The following OCM variants were observed in gnomAD, a reference collection of about 807,000 sequenced individuals.
The protein encoded by OCM is oncomodulin-1.
A neutral mutation model predicts 14.1 loss-of-function variants in OCM; 18 were observed. The ratio of observed to expected loss-of-function variants is 1.28; its 90% CI spans 0.88 to 1.89. The LOEUF is 1.89. Among genes scored for constraint, OCM ranks in the 40% most tolerant of loss-of-function variants. The probability of loss-of-function intolerance (pLI) is 0.00; values close to 1 mark genes in which losing one functional copy is unlikely to be tolerated. For missense variants in OCM, 140 were observed against 137.6 expected (o/e 1.02, Z -0.09); for synonymous variants, 48 against 51.0 (o/e 0.94, Z 0.25).
chr7:5,882,641 A>T lies in OCM; in HGVS notation c.194+16A>T. 6.2e-7 allele frequency: 1 copy of T among 1,613,782 alleles called. No homozygotes were observed. Among genetic ancestry groups the T allele is most frequent in the Non-Finnish European group, 8.5e-7 (1 of 1,179,882 alleles). On this transcript the variant is annotated intron_variant, in intron 2 of 3. Transcript: ENST00000242104. ...AAGAGCTTAAGTAAGCTTTGTCCTG[A>T]GTCTGTCTGGTACCCGGCACTGCTG...
At chr7:5,862,491 A>T in the OCM span, among the ~76,000 whole-genome samples, 1 of 152,194 alleles carries the variant, frequency 6.6e-6, no homozygotes, top group Non-Finnish European at 1.5e-5. Context: ...GACAATGTCG[A>T]TTACCAGCTT....
In OCM at chr7:5,886,121, G is replaced by C; in HGVS notation, c.*32G>C. 1 of 1,601,182 alleles carries C rather than the reference G, an allele frequency of 6.2e-7. No individual in the cohort carries two copies. The highest frequency in any genetic ancestry group is 8.6e-7 in the Non-Finnish European group (1 of 1,168,412). Reference sequence around the variant, plus strand: ...CAGTCTCTGGAGAAAAGAGAGAAAGGGATAATCACCTGGAAGGATTCCAAA... The same window carrying C: ...CAGTCTCTGGAGAAAAGAGAGAAAGCGATAATCACCTGGAAGGATTCCAAA... On this transcript the variant is annotated 3_prime_UTR_variant, in exon 4 of 4. Transcript: ENST00000242104.
At chr7:5,879,568 GTA>G (rs2128606288), upstream of OCM, among the ~76,000 whole-genome samples, 1 of 152,216 alleles carries the variant, frequency 6.6e-6, no homozygotes, top group Admixed American at 6.6e-5. Flanking sequence ...AGAGCACCCT[GTA>G]TGTGTTTGTC....
At chr7:5,878,059 C>G (rs1409171077), upstream of OCM, among the ~76,000 whole-genome samples, 1 of 150,366 alleles carries the variant, frequency 6.7e-6, no homozygotes, top group African/African-American at 2.4e-5. Context: ...CAACCTCCAA[C>G]TCCCAGATTC....
chr7:5,880,246 C>CA (rs1781182318), upstream of OCM, among the ~76,000 whole-genome samples: 1 of 152,204 alleles, frequency 6.6e-6, no homozygotes, highest in South Asian at 2.1e-4. Flanking sequence ...GCATGTGTAA[C>CA]ATGGTTTACG....
At chr7:5,880,475 C>T (rs765491459), upstream of OCM, among the ~76,000 whole-genome samples, 37 of 152,192 alleles carry the variant, frequency 2.4e-4, no homozygotes, top group Non-Finnish European at 4.3e-4. Context: ...AAATTCTAGA[C>T]AGGCCTGGCT....
intron 3 of OCM, among the ~76,000 whole-genome samples, chr7:5,885,613 CTTTT>C (rs917292765): frequency 3.6e-5 from 5 of 138,354 alleles, no homozygotes; most frequent in Non-Finnish European, 3.2e-5. Flanking sequence ...TCTTTCTTTC[CTTTT>C]TTTTTTTTTT....
At chr7:5,883,826 A>G (rs1261325233) in intron 2 of OCM, 64 bp from the exon 3 acceptor site, 7 of 1,598,858 alleles carry the variant, frequency 4.4e-6, no homozygotes, top group African/African-American at 2.7e-5. Flanking sequence ...AGGAAAAACA[A>G]AAGTGTAAAC....
At chr7:5,881,345 G>C (rs1411614416) in intron 1 of OCM, among the ~76,000 whole-genome samples, 1 of 151,050 alleles carries the variant, frequency 6.6e-6, no homozygotes, top group Non-Finnish European at 1.5e-5. Flanking sequence ...AGTAGACCAG[G>C]CATGGTGGCT....
the OCM span, among the ~76,000 whole-genome samples, chr7:5,872,458 A>G: frequency 0.034 from 5,252 of 152,242 alleles, 308 homozygotes; most frequent in African/African-American, 0.12. Context: ...CTCATTTATA[A>G]ATAAACATTC....
rs1781333529 is a variant in OCM, at chr7:5,886,190, G to A, written c.*101G>A. On this transcript the variant is annotated 3_prime_UTR_variant, in exon 4 of 4. Transcript: ENST00000242104. ...CCCACATCCCATCCCTACCTAATTT[G>A]TTAATTTTCCCTGAAAACCTTCTGC... 4.5e-6 allele frequency: 6 copies of A among 1,331,728 alleles called. No individual in the cohort carries two copies. In the African/African-American group the frequency reaches 8.8e-5, roughly 20 times the overall value. The allele number at this position is 1,331,728 out of a possible 1,614,324, so 82.5% of individuals were successfully genotyped here.
At chr7:5,864,235 G>A in the OCM span, among the ~76,000 whole-genome samples, 2 of 151,248 alleles carry the variant, frequency 1.3e-5, no homozygotes, top group Non-Finnish European at 2.9e-5. Context: ...GCTCCTGGTT[G>A]GGGGGGATGC....
chr7:5,879,297 A>ATTTCCTCC (rs1781160746), upstream of OCM, among the ~76,000 whole-genome samples: 1 of 152,030 alleles, frequency 6.6e-6, no homozygotes, highest in South Asian at 2.1e-4. Flanking sequence ...TGCTGGTTTG[A>ATTTCCTCC]TTTCCTCCTT....
At chr7:5,876,544 A>T (rs1583168759), upstream of OCM, among the ~76,000 whole-genome samples, 1 of 152,138 alleles carries the variant, frequency 6.6e-6, no homozygotes, top group Admixed American at 6.6e-5. Flanking sequence ...TCATTCATCA[A>T]ATCACTGCTG....
upstream of OCM, among the ~76,000 whole-genome samples, chr7:5,876,300 G>T (rs1051604489): frequency 6.6e-6 from 1 of 152,044 alleles, no homozygotes; most frequent in South Asian, 2.1e-4. Flanking sequence ...CACTGGACCC[G>T]GCAGGGGCTG....
chr7:5,874,223 CAAAAAAAAAAAAA>C, the OCM span, among the ~76,000 whole-genome samples: 3 of 31,492 alleles, frequency 9.5e-5, no homozygotes, highest in African/African-American at 3.4e-4. Flanking sequence ...GACTCTGTCT[CAAAAAAAAAAAAA>C]AAAAAAAAAA....
the OCM span, among the ~76,000 whole-genome samples, chr7:5,873,302 G>C: frequency 6.6e-6 from 1 of 151,944 alleles, no homozygotes; most frequent in Non-Finnish European, 1.5e-5. Context: ...GCTTGAATCT[G>C]GGAGGTAGAG....
At chr7:5,866,453 AAGGG>A in the OCM span, among the ~76,000 whole-genome samples, 5 of 100,192 alleles carry the variant, frequency 5.0e-5, no homozygotes, top group African/African-American at 1.2e-4. Context: ...GGGAAGAAGG[AAGGG>A]AGGGAGGGAG....
chr7:5,866,049 A>C, the OCM span, among the ~76,000 whole-genome samples: 5 of 151,866 alleles, frequency 3.3e-5, no homozygotes, highest in Admixed American at 6.6e-5. Flanking sequence ...TGCTGGGTGC[A>C]CTGGCTCGTG....
Sources: allele counts gnomAD v4.1 joint callset (sites outside exome capture counted in the v4.1 genomes callset), GRCh38; gene constraint gnomAD v4.1.1; transcripts MANE v1.5; gene names NCBI Gene and HGNC (gene_info 2026-07-23, HGNC 2026-07-21).